Variants in CCDC148 observed in about 807,000 individuals in gnomAD.
CCDC148 encodes the protein coiled-coil domain containing 148, also known as coiled-coil domain-containing protein 148.
In CCDC148, 89 loss-of-function variants were observed where a neutral mutation model predicts 85.7. The ratio of observed to expected loss-of-function variants is 1.04; its 90% CI spans 0.87 to 1.24. The LOEUF (loss-of-function observed/expected upper bound fraction) is 1.24, where lower values mean the gene tolerates loss of function less well. CCDC148 is among the 50% of genes most tolerant of loss of function. CCDC148 has a pLI of 0.00. For missense variants in CCDC148, 692 were observed against 671.7 expected, an observed-to-expected ratio of 1.03 and a Z score of -0.33; for synonymous variants, 230 against 213.9, an observed-to-expected ratio of 1.08 and a Z score of -0.66.
chr2:158,376,951 G>C (rs1684676410), intron 1 of CCDC148, among the ~76,000 whole-genome samples: 1 of 151,972 alleles, frequency 6.6e-6, no homozygotes, highest in Non-Finnish European at 1.5e-5. Context: ...CTGAGGATGA[G>C]CAGCTACCTG....
intron 10 of CCDC148, among the ~76,000 whole-genome samples, chr2:158,234,138 T>C (rs534925475): frequency 2.6e-5 from 4 of 152,000 alleles, no homozygotes; most frequent in Non-Finnish European, 5.9e-5. Context: ...ATTATGCCAT[T>C]GCACTACAGC....
At chr2:158,196,656 T>C (rs1685686792) in intron 11 of CCDC148, among the ~76,000 whole-genome samples, 1 of 152,208 alleles carries the variant, frequency 6.6e-6, no homozygotes, top group African/African-American at 2.4e-5. Flanking sequence ...CTATATCAAA[T>C]AACTTACCTG....
chr2:158,197,219 G>T (rs1242797194), intron 11 of CCDC148, among the ~76,000 whole-genome samples: 4 of 152,072 alleles, frequency 2.6e-5, no homozygotes, highest in South Asian at 2.1e-4. Context: ...AACTGTAGAA[G>T]AATTCAATGA....
intron 1 of CCDC148, among the ~76,000 whole-genome samples, chr2:158,444,444 T>G (rs1241418123): frequency 6.6e-6 from 1 of 152,078 alleles, no homozygotes; most frequent in Non-Finnish European, 1.5e-5. Context: ...CTAATGAGAT[T>G]ATGACATACC....
At chr2:158,276,751 T>C (rs1689965877) in intron 9 of CCDC148, among the ~76,000 whole-genome samples, 1 of 152,224 alleles carries the variant, frequency 6.6e-6, no homozygotes, top group South Asian at 2.1e-4. Context: ...AGAAGGCATT[T>C]GATACGGTCC....
At position 158,313,947 on chromosome 2, in the gene CCDC148, G is replaced by A. The variant is rs3732280; in HGVS notation, c.765-53C>T. The A allele has an allele frequency of 1.1e-3, 1,713 of 1,568,860 alleles. 34 individuals carry two copies. In the East Asian group the frequency reaches 0.037, roughly 33 times the overall value. ...ATTATTGAGCAATCATGAAATTTGA[G>A]GGACTCAAACTGTTCAAGCTACTAG... On this transcript the variant is annotated intron_variant, in intron 7 of 13. Transcript: ENST00000283233.
intron 9 of CCDC148, among the ~76,000 whole-genome samples, chr2:158,254,249 A>G (rs1688921240): frequency 6.6e-6 from 1 of 151,712 alleles, no homozygotes; most frequent in Non-Finnish European, 1.5e-5. Context: ...AGTTGATGCT[A>G]TTGGTTAGTT....
In CCDC148 at chr2:158,283,026, G is replaced by A. The variant is rs1479919436; in HGVS notation, c.1110+26407C>T. Among the ~76,000 whole-genome samples, 13 of 152,076 alleles carry A rather than the reference G, an allele frequency of 8.5e-5. No homozygotes were observed. In the South Asian group the frequency reaches 1.0e-3, roughly 12 times the overall value. The stretch of plus-strand genomic sequence containing the variant: ...CAAACCTGAGAAAAACAAGCAATGG[G>A]GAAAGGATTCCCTATTTAATAAATG... On this transcript the variant is annotated intron_variant, in intron 9 of 13. Transcript: ENST00000283233.
intron 11 of CCDC148, among the ~76,000 whole-genome samples, chr2:158,198,309 G>A (rs1685779424): frequency 6.6e-6 from 1 of 152,102 alleles, no homozygotes; most frequent in Non-Finnish European, 1.5e-5. Context: ...CAGGGACAGT[G>A]TCATTTTTGT....
intron 11 of CCDC148, among the ~76,000 whole-genome samples, chr2:158,185,391 A>C (rs533484162): frequency 6.6e-6 from 1 of 152,286 alleles, no homozygotes; most frequent in East Asian, 1.9e-4. Context: ...AAGGAAGAGG[A>C]AATAACTCGA....
At chr2:158,262,121 C>A (rs13394116) in intron 9 of CCDC148, among the ~76,000 whole-genome samples, 11,511 of 151,910 alleles carry the variant, frequency 0.076, 1,044 homozygotes, top group African/African-American at 0.22. Flanking sequence ...TAAATGCCTA[C>A]CAATGACAGA....
Position 158,196,101 on chromosome 2 carries a change from A to C in CCDC148, c.1371-17105T>G, listed in dbSNP as rs571999352. ...CTGGAGGGACTGAGCCAATTGTTAC[A>C]TTTTGGGACCTTTGCAAGCTAGTCG... On this transcript the variant is annotated intron_variant, in intron 11 of 13. Coordinates refer to ENST00000283233, the MANE Select transcript of CCDC148 (RefSeq NM_138803.4). Among the ~76,000 whole-genome samples the C allele has an allele frequency of 3.3e-5, 5 of 152,252 alleles. No individual in the cohort carries two copies. In the East Asian group the frequency reaches 7.7e-4, roughly 24 times the overall value.
chr2:158,412,825 A>G (rs945293635), intron 1 of CCDC148, among the ~76,000 whole-genome samples: 1 of 105,292 alleles, frequency 9.5e-6, no homozygotes, highest in African/African-American at 3.9e-5. Context: ...CAATATAAGT[A>G]TTTATTATTA....
At chr2:158,269,195 T>C (rs965078960) in intron 9 of CCDC148, among the ~76,000 whole-genome samples, 2 of 152,164 alleles carry the variant, frequency 1.3e-5, no homozygotes, top group Non-Finnish European at 2.9e-5. Flanking sequence ...TGTAGAAGAA[T>C]TCCTTTTTCT....
rs1683779812 is a variant in CCDC148 at position 158,358,581 on chromosome 2, TA to T, written c.26-12del. 5 of 1,514,024 alleles carry T rather than the reference TA, an allele frequency of 3.3e-6. No homozygotes were observed. The highest frequency in any genetic ancestry group is 1.3e-5 in the South Asian group (1 of 79,028). 93.8% of individuals were successfully genotyped at this position (1,514,024 alleles called of 1,614,324 possible). ...GGAATACCAGATTATCTATTAGTCA[TA>T]AAAATAGAAAAATGACAAAGAAAGA... is the stretch of plus-strand genomic sequence containing the variant. On this transcript the variant is annotated splice_polypyrimidine_tract_variant and intron_variant, in intron 1 of 13. Transcript: ENST00000283233.
intron 9 of CCDC148, among the ~76,000 whole-genome samples, chr2:158,277,601 T>A (rs555252330): frequency 1.3e-5 from 2 of 152,026 alleles, no homozygotes; most frequent in African/African-American, 4.8e-5. Flanking sequence ...GTTTTTTTGT[T>A]TTTTTTTGTT....
intron 10 of CCDC148, among the ~76,000 whole-genome samples, chr2:158,238,576 T>C (rs1158563602): frequency 6.6e-6 from 1 of 152,190 alleles, no homozygotes; most frequent in Non-Finnish European, 1.5e-5. Context: ...GATCATATTA[T>C]AATGGTCTGG....
chr2:158,433,914 G>T (rs138962036), intron 1 of CCDC148, among the ~76,000 whole-genome samples: 1 of 152,192 alleles, frequency 6.6e-6, no homozygotes, highest in African/African-American at 2.4e-5. Context: ...AGGCGGCAGC[G>T]AGGCTGGGGG....
chr2:158,208,211 G>A (rs899836453), intron 11 of CCDC148, among the ~76,000 whole-genome samples: 2 of 152,214 alleles, frequency 1.3e-5, no homozygotes, highest in East Asian at 1.9e-4. Flanking sequence ...GGAATGAAGC[G>A]AGTACATTTT....
Sources: allele counts gnomAD v4.1 joint callset (sites outside exome capture counted in the v4.1 genomes callset), GRCh38; gene constraint gnomAD v4.1.1; transcripts MANE v1.5; gene names NCBI Gene and HGNC (gene_info 2026-07-23, HGNC 2026-07-21).